Variants in EZH1 observed in about 807,000 individuals in gnomAD.
The protein encoded by EZH1 is histone-lysine N-methyltransferase EZH1.
Under a neutral mutation model 100.5 loss-of-function variants are expected in EZH1, and 33 were observed. The observed-to-expected ratio is 0.33, with a 90% CI of 0.25 to 0.44. The LOEUF (loss-of-function observed/expected upper bound fraction) is 0.44, where lower values mean the gene tolerates loss of function less well. EZH1 is among the 20% of genes least tolerant of loss of function. EZH1 has a pLI of 1.00. For synonymous variants in EZH1, 272 were observed against 313.8 expected (o/e 0.87, Z 1.41); for missense variants, 475 against 928.4 (o/e 0.51, Z 6.35).
At chr17:42,717,912 C>T in intron 10 of EZH1, 64 bp downstream of exon 10, 1 of 1,435,874 alleles carries the variant, frequency 7.0e-7, no homozygotes, top group South Asian at 1.1e-5. Flanking sequence ...GTGCTGTGTA[C>T]TGGCTCACGT....
chr17:42,735,912 G>C lies in EZH1; in HGVS notation c.-102-4994C>G, dbSNP rs576520353. On this transcript the variant is annotated intron_variant, in intron 1 of 20. Transcript: ENST00000428826. Reference sequence around the variant, plus strand: ...AGGCAGGAGAATTGCTTAAACCCAGGAGGCAGAGGTTGCAGTGGGCCAAAA... The same window carrying C: ...AGGCAGGAGAATTGCTTAAACCCAGCAGGCAGAGGTTGCAGTGGGCCAAAA... 1.6e-4 allele frequency among the ~76,000 whole-genome samples: 25 copies of C among 152,228 alleles called. No individual in the cohort carries two copies. In the South Asian group the frequency reaches 5.0e-3, roughly 30 times the overall value.
At position 42,705,187 on chromosome 17, in the gene EZH1, G is replaced by T. The variant is rs757791286; in HGVS notation, c.1840-4C>A. ...CAGAGGGGGCCAGCAGCAGGTGCTGGGGAAGAGGGGGCCAAGTCTCAGACT... is the reference window on the plus strand; with the variant it reads ...CAGAGGGGGCCAGCAGCAGGTGCTGTGGAAGAGGGGGCCAAGTCTCAGACT... On this transcript the variant is annotated splice_polypyrimidine_tract_variant and splice_region_variant and intron_variant, in intron 16 of 20. Transcript: ENST00000428826. The T allele has an allele frequency of 8.7e-6, 14 of 1,608,556 alleles. No homozygotes were observed. The highest frequency in any genetic ancestry group is 1.0e-5 in the Non-Finnish European group (12 of 1,176,208).
intron 1 of EZH1, among the ~76,000 whole-genome samples, chr17:42,743,468 G>C (rs868858909): frequency 6.6e-6 from 1 of 150,462 alleles, no homozygotes; most frequent in East Asian, 2.0e-4. Flanking sequence ...ACCGTGCCAG[G>C]CTTTTTTTTT....
intron 4 of EZH1, among the ~76,000 whole-genome samples, chr17:42,726,192 T>C (rs1175111956): frequency 1.3e-5 from 2 of 150,504 alleles, no homozygotes; most frequent in African/African-American, 4.9e-5. Flanking sequence ...GCTTTTTTTT[T>C]TTTTTTTTAA....
Position 42,718,054 on chromosome 17 carries a change from G to A in EZH1, c.945C>T (p.Thr315=). The change falls in exon 10 of 21, where the codon ACC becomes ACT. Residue 315 remains threonine (T), a synonymous_variant. Coordinates refer to ENST00000428826, the MANE Select transcript of EZH1 (RefSeq NM_001991.5). This position sits in a 1 kb window ranked among gnomAD's most constrained non-coding sequence, Gnocchi z 4.2. The part of the protein sequence containing the change: ...YDCFLHPFHA[T]PNVYKRKNKE... ...TATTCTTGCGTTTATATACATTAGG[G>A]GTGGCATGAAAAGCTGGAAAACAAA... 6.2e-7 allele frequency: 1 copy of A among 1,614,128 alleles called. No homozygotes were observed. Among genetic ancestry groups the A allele is most frequent in the Admixed American group, 1.7e-5 (1 of 60,006 alleles).
chr17:42,723,690 A>G (rs1215695693), intron 5 of EZH1, among the ~76,000 whole-genome samples: 2 of 152,190 alleles, frequency 1.3e-5, no homozygotes, highest in Non-Finnish European at 2.9e-5. Flanking sequence ...CCAAGTAGCA[A>G]GTAAAATTAT....
chr17:42,707,078 T>C (rs1024205402), intron 15 of EZH1, among the ~76,000 whole-genome samples: 1 of 152,150 alleles, frequency 6.6e-6, no homozygotes, highest in Non-Finnish European at 1.5e-5. Context: ...AAAAGATAAG[T>C]ACCCGGATGT....
chr17:42,710,096 T>G (rs2053446548), intron 12 of EZH1, among the ~76,000 whole-genome samples, 159 bp from the exon 13 acceptor site: 1 of 152,188 alleles, frequency 6.6e-6, no homozygotes, highest in Admixed American at 6.5e-5. Flanking sequence ...AACATTGGGT[T>G]ACTGGCTCTG....
chr17:42,741,148 AGT>A (rs1176782915), intron 1 of EZH1, among the ~76,000 whole-genome samples: 1 of 152,220 alleles, frequency 6.6e-6, no homozygotes, highest in East Asian at 1.9e-4. Context: ...AAATGGAATT[AGT>A]GTGTTTTTAG....
chr17:42,719,080 G>GCCTAAGTGGGACAGCTTTC, intron 8 of EZH1, 25 bp downstream of exon 8: 1 of 1,569,536 alleles, frequency 6.4e-7, no homozygotes, highest in Non-Finnish European at 8.8e-7. Flanking sequence ...TCTGTATATG[G>GCCTAAGTGGGACAGCTTTC]CCTAAGTGGG....
chr17:42,702,176 C>T lies in EZH1; in HGVS notation c.*356G>A, dbSNP rs1228218922. 8 of 224,764 alleles carry T rather than the reference C, an allele frequency of 3.6e-5. No individual in the cohort carries two copies. The highest frequency in any genetic ancestry group is 1.3e-4 in the South Asian group (1 of 7,442). 13.9% of individuals were successfully genotyped at this position (224,764 alleles called of 1,614,324 possible). A position where few individuals can be genotyped will look rare whatever the true frequency, so the allele number is the denominator to read the frequency against. ...GTGGAAAGCTACAATTACAGGCTAG[C>T]GCTTGTTGGGAACTGCCTAAGTTGA... is the stretch of plus-strand genomic sequence containing the variant. On this transcript the variant is annotated 3_prime_UTR_variant, in exon 21 of 21. Transcript: ENST00000428826.
intron 6 of EZH1, among the ~76,000 whole-genome samples, chr17:42,722,371 TC>T (rs1273408203): frequency 6.6e-6 from 1 of 151,294 alleles, no homozygotes; most frequent in Non-Finnish European, 1.5e-5. Flanking sequence ...ACGCCTATAA[TC>T]CCAGCACTTT....
chr17:42,703,699 C>A, intron 19 of EZH1, 41 bp downstream of exon 19: 4 of 1,364,426 alleles, frequency 2.9e-6, no homozygotes, highest in Non-Finnish European at 4.2e-6. Context: ...AGTAAAGAGG[C>A]ATCCATCCCC....
chr17:42,704,384 CAA>C (rs1001038605), intron 18 of EZH1, among the ~76,000 whole-genome samples: 1 of 151,966 alleles, frequency 6.6e-6, no homozygotes, highest in African/African-American at 2.4e-5. Flanking sequence ...ACTAAAAATA[CAA>C]AAATATTAGC....
chr17:42,721,582 T>A (rs910342207), intron 6 of EZH1, among the ~76,000 whole-genome samples: 2 of 152,088 alleles, frequency 1.3e-5, no homozygotes, highest in African/African-American at 4.8e-5. Flanking sequence ...TACTACATAA[T>A]CCTTTTATGT....
chr17:42,717,738 T>C (rs902559379), intron 10 of EZH1, among the ~76,000 whole-genome samples: 39 of 152,184 alleles, frequency 2.6e-4, no homozygotes, highest in African/African-American at 9.2e-4. Flanking sequence ...AAGCAGATGA[T>C]ATTTAGAGCA....
intron 12 of EZH1, among the ~76,000 whole-genome samples, chr17:42,711,448 G>A (rs1345361090): frequency 6.6e-6 from 1 of 151,740 alleles, no homozygotes; most frequent in Non-Finnish European, 1.5e-5. Context: ...ACTCCAGCCT[G>A]GGCAACAGAC....
At chr17:42,725,496 G>A (rs980678577) in intron 4 of EZH1, among the ~76,000 whole-genome samples, 1 of 151,580 alleles carries the variant, frequency 6.6e-6, no homozygotes, top group Non-Finnish European at 1.5e-5. Flanking sequence ...GCCCACGCTG[G>A]TCTCCAACTC....
At chr17:42,743,249 CA>C (rs1416632418) in intron 1 of EZH1, among the ~76,000 whole-genome samples, 1 of 150,334 alleles carries the variant, frequency 6.7e-6, no homozygotes, top group African/African-American at 2.5e-5. Context: ...CGGCTCACTG[CA>C]ACCTCCACCT....
Sources: allele counts gnomAD v4.1 joint callset (sites outside exome capture counted in the v4.1 genomes callset), GRCh38; gene constraint gnomAD v4.1.1; non-coding constraint Gnocchi (gnomAD v3.1); transcripts MANE v1.5; gene names NCBI Gene and HGNC (gene_info 2026-07-23, HGNC 2026-07-21).